The following TCIRG1 variants were observed in gnomAD, a reference collection of about 807,000 sequenced individuals.
TCIRG1 encodes T cell immune regulator 1, ATPase H+ transporting V0 subunit a3.
TCIRG1 carries 86 observed loss-of-function variants against 95.5 expected under a neutral mutation model. The observed-to-expected ratio is 0.90, with a 90% confidence interval of 0.76 to 1.08. The LOEUF (loss-of-function observed/expected upper bound fraction) is 1.08, where lower values mean the gene tolerates loss of function less well. Among genes scored for constraint, TCIRG1 ranks in the 50% least tolerant of loss-of-function variants. The probability of loss-of-function intolerance (pLI) is 0.00; values close to 1 mark genes in which losing one functional copy is unlikely to be tolerated. For synonymous variants in TCIRG1, 499 were observed against 501.3 expected, an observed-to-expected ratio of 1.00 and a Z score of 0.06; for missense variants, 1,069 against 1,140.2, an observed-to-expected ratio of 0.94 and a Z score of 0.90.
rs751153271 is a variant in TCIRG1, at chr11:68,050,078, G to C, written c.2118+12G>C. ...AAGAGGAGGCCGAGGTGGGTGCAGTGCCTTCCTGGGGGTGGGACGGCTGAG... is the reference window on the plus strand; with the variant it reads ...AAGAGGAGGCCGAGGTGGGTGCAGTCCCTTCCTGGGGGTGGGACGGCTGAG... On this transcript the variant is annotated intron_variant, in intron 17 of 19. Transcript: ENST00000265686. The C allele has an allele frequency of 6.2e-7, 1 of 1,612,768 alleles. No individual in the cohort carries two copies. Among genetic ancestry groups the C allele is most frequent in the Admixed American group, 1.7e-5 (1 of 60,026 alleles).
At chr11:68,046,860 TC>T (rs1332878342) in intron 10 of TCIRG1, 1 of 456,138 alleles carries the variant, frequency 2.2e-6, no homozygotes, top group Non-Finnish European at 4.4e-6. Context: ...GCTGCTAACT[TC>T]CTGTGGCTCC....
At chr11:68,053,360 A>T (rs1327701620), downstream of TCIRG1, 1 of 152,690 alleles carries the variant, frequency 6.5e-6, no homozygotes, top group Non-Finnish European at 1.5e-5. Context: ...CACGCCCAGC[A>T]GGAGGGGAGA....
intron 1 of TCIRG1, chr11:68,039,882 C>T (rs1855077787): frequency 6.6e-6 from 1 of 152,210 alleles, no homozygotes; most frequent in South Asian, 2.1e-4. Flanking sequence ...GGCCCTGAGC[C>T]AGGGGTGACC....
At chr11:68,040,664 C>T (rs967715418) in intron 1 of TCIRG1, among the ~76,000 whole-genome samples, 12 of 152,254 alleles carry the variant, frequency 7.9e-5, no homozygotes, top group African/African-American at 2.9e-4. Flanking sequence ...TGAGCAAGGC[C>T]CCGGGCCCTT....
chr11:68,049,825 G>T, intron 16 of TCIRG1, 37 bp downstream of exon 16: 1 of 1,558,394 alleles, frequency 6.4e-7, no homozygotes, highest in South Asian at 1.2e-5. Flanking sequence ...GGCTGCTTGC[G>T]GGGAGAGGCC....
At chr11:68,049,374 A>C (rs1565163035) in intron 15 of TCIRG1, 80 bp downstream of exon 15, 1 of 1,428,272 alleles carries the variant, frequency 7.0e-7, no homozygotes, top group Non-Finnish European at 9.5e-7. Context: ...GAGCTGCAAG[A>C]TCCTCGTCCG....
chr11:68,043,376 T>C lies in TCIRG1; in HGVS notation c.509T>C (p.Val170Ala). ...GPHQDLRVNF[V>A]AGAVEPHKAP... ...CCCAGCCCCGTGGCCGCCAGCTTTG[T>C]GGCAGGTGCCGTGGAGCCCCACAAG... Residue 170 changes from valine (V) to alanine (A), a missense_variant, in exon 6 of 20, where the codon GTG becomes GCG. Physicochemically the swap from Val to Ala is moderately conservative, Grantham distance 64. Coordinates refer to ENST00000265686, the MANE Select transcript of TCIRG1 (RefSeq NM_006019.4). 6.5e-7 allele frequency: 1 copy of C among 1,539,550 alleles called. No homozygotes were observed. The highest frequency in any genetic ancestry group is 8.7e-7 in the Non-Finnish European group (1 of 1,146,394).
At position 68,042,875 on chromosome 11, in the gene TCIRG1, C is replaced by T; in HGVS notation, c.417+12C>T. 1 of 1,549,944 alleles carries T rather than the reference C, an allele frequency of 6.5e-7. No homozygotes were observed. The highest frequency in any genetic ancestry group is 2.4e-5 in the East Asian group (1 of 40,876). Reference sequence around the variant, plus strand: ...GCCATGAACCTCAGGTCAGCTCCCACCCAGGCAGGAGACTGGGGGGCTGGG... The same window carrying T: ...GCCATGAACCTCAGGTCAGCTCCCATCCAGGCAGGAGACTGGGGGGCTGGG... On this transcript the variant is annotated intron_variant, in intron 4 of 19. Coordinates refer to ENST00000265686, the MANE Select transcript of TCIRG1 (RefSeq NM_006019.4).
intron 2 of TCIRG1, 22 bp from the exon 3 acceptor site, chr11:68,041,731 C>A (rs768661652): frequency 1.3e-6 from 2 of 1,598,678 alleles, no homozygotes; most frequent in Non-Finnish European, 8.5e-7. Flanking sequence ...GGGACACTCA[C>A]CCCTCCGTGT....
In TCIRG1 at chr11:68,043,637, C is replaced by T. The variant is rs776421112; in HGVS notation, c.697C>T (p.Arg233Cys). ...YWGEQIGQKI[R>C]KITDCFHCHV... ...GGGTGAGCAGATCGGACAGAAGATC[C>T]GCAAGATCACGGACTGGTGAGTCAC... is the stretch of plus-strand genomic sequence containing the variant. Residue 233 changes from arginine (R) to cysteine (C), a missense_variant, in exon 7 of 20, where the codon CGC (arginine) becomes TGC (cysteine). Arg to Cys is a radical substitution (Grantham distance 180, BLOSUM62 -3). Transcript: ENST00000265686. 7.5e-6 allele frequency: 12 copies of T among 1,609,572 alleles called. No individual in the cohort carries two copies. Among genetic ancestry groups the T allele is most frequent in the African/African-American group, 2.7e-5 (2 of 74,868 alleles).
At chr11:68,044,457 C>T (rs994257390) in intron 9 of TCIRG1, 113 bp downstream of exon 9, 1 of 851,700 alleles carries the variant, frequency 1.2e-6, no homozygotes, top group South Asian at 1.5e-5. Flanking sequence ...CCTAGGGGCT[C>T]CTTCTCCTCC....
At chr11:68,044,041 C>A (rs1855332798) in intron 8 of TCIRG1, 91 bp from the exon 9 acceptor site, 1 of 1,348,034 alleles carries the variant, frequency 7.4e-7, no homozygotes, top group Admixed American at 2.0e-5. Flanking sequence ...CCTGGCCTGG[C>A]CTCCAGGAGG....
chr11:68,047,321 G>A (rs1855551437), intron 10 of TCIRG1, 112 bp from the exon 11 acceptor site: 1 of 1,152,584 alleles, frequency 8.7e-7, no homozygotes, highest in South Asian at 1.3e-5. Flanking sequence ...GTGCCTGGCT[G>A]CTAAGTGATG....
Position 68,049,091 on chromosome 11 carries a change from C to T in TCIRG1, c.1684C>T (p.Gln562Ter), listed in dbSNP as rs1855655612. The T allele has an allele frequency of 6.2e-7, 1 of 1,613,604 alleles. No individual in the cohort carries two copies. ...CCTCTTGCCCGCCAGGCACTTTGGC[C>T]AGAGGCACCGGCTGCTGCTGGAGAC... is the stretch of plus-strand genomic sequence containing the variant. The part of the protein sequence containing the change: ...LGVFNHVHFG[Q>*]RHRLLLETLP... Residue 562 changes from glutamine (Q) to a stop codon, truncating the protein, a stop_gained, in exon 15 of 20, where the codon CAG (glutamine) becomes TAG (stop). Coordinates refer to ENST00000265686, the MANE Select transcript of TCIRG1 (RefSeq NM_006019.4). LOFTEE classifies it high-confidence loss of function.
downstream of TCIRG1, chr11:68,053,278 T>G (rs1423550377): frequency 6.6e-6 from 1 of 152,256 alleles, no homozygotes; most frequent in East Asian, 1.9e-4. Flanking sequence ...CGCATGGCTG[T>G]CTGCACACTC....
rs1037427402 is a variant in TCIRG1, at chr11:68,045,230, C to T, written c.1165+128C>T. 3 of 1,181,256 alleles carry T rather than the reference C, an allele frequency of 2.5e-6. No individual in the cohort carries two copies. In the South Asian group the frequency reaches 3.9e-5, roughly 15 times the overall value. 73.2% of individuals were successfully genotyped at this position (1,181,256 alleles called of 1,614,324 possible). A position where few individuals can be genotyped will look rare whatever the true frequency, so the allele number is the denominator to read the frequency against. ...CCCTCCTGGGATGAGGGGCACACAT[C>T]CCATCACTCTCAAGGGGCTGTTGGG... is the stretch of plus-strand genomic sequence containing the variant. On this transcript the variant is annotated intron_variant, in intron 10 of 19. Transcript: ENST00000265686.
In TCIRG1 at chr11:68,041,446, G is replaced by A. The variant is rs796582267; in HGVS notation, c.117+58G>A. 65 of 1,269,948 alleles carry A rather than the reference G, an allele frequency of 5.1e-5. No homozygotes were observed. In the African/African-American group the frequency reaches 5.4e-4, roughly 11 times the overall value. 78.7% of individuals were successfully genotyped at this position (1,269,948 alleles called of 1,614,324 possible). On this transcript the variant is annotated intron_variant, in intron 2 of 19. Coordinates refer to ENST00000265686, the MANE Select transcript of TCIRG1 (RefSeq NM_006019.4). Reference sequence around the variant, plus strand: ...TACTGCCAAGGTTAGCCCGGAGGCCGGTCCAGGATGGGGACTGCCCCCCCT... The same window carrying A: ...TACTGCCAAGGTTAGCCCGGAGGCCAGTCCAGGATGGGGACTGCCCCCCCT...
intron 1 of TCIRG1, among the ~76,000 whole-genome samples, chr11:68,040,869 A>G (rs867538742): frequency 6.6e-6 from 1 of 151,682 alleles, no homozygotes; most frequent in South Asian, 2.1e-4. Context: ...GGCTCCAGCC[A>G]CCCCCGGGGC....
At chr11:68,047,328 G>T in intron 10 of TCIRG1, 105 bp from the exon 11 acceptor site, 2 of 1,244,184 alleles carry the variant, frequency 1.6e-6, no homozygotes, top group South Asian at 2.5e-5. Flanking sequence ...GCTGCTAAGT[G>T]ATGGGTTCTT....
Sources: allele counts gnomAD v4.1 joint callset (sites outside exome capture counted in the v4.1 genomes callset), GRCh38; gene constraint gnomAD v4.1.1; transcripts MANE v1.5; gene names NCBI Gene and HGNC (gene_info 2026-07-23, HGNC 2026-07-21).